Variants in UBASH3B observed in about 807,000 individuals in gnomAD.
UBASH3B encodes ubiquitin associated and SH3 domain containing B.
In UBASH3B, 37 loss-of-function variants were observed where a neutral mutation model predicts 83.4. That is an observed-to-expected ratio of 0.44 (90% confidence interval 0.34 to 0.58). UBASH3B has a LOEUF of 0.58. UBASH3B is among the 20% of genes least tolerant of loss of function. UBASH3B has a pLI of 0.01. For missense variants in UBASH3B, 657 were observed against 827.2 expected (o/e 0.79, Z 2.52); for synonymous variants, 304 against 318.3 (o/e 0.96, Z 0.48).
chr11:122,799,039 G>C lies in UBASH3B; in HGVS notation c.1450+5G>C, dbSNP rs1318630156. 33 of 1,613,296 alleles carry C rather than the reference G, an allele frequency of 2.0e-5. No individual in the cohort carries two copies. Among genetic ancestry groups the C allele is most frequent in the Non-Finnish European group, 2.7e-5 (32 of 1,179,516 alleles). ...CTGCACACAATATCTTGAAAGGTAA[G>C]ACTTGCAGGTTGACAAAAACAAGTA... On this transcript the variant is annotated splice_donor_5th_base_variant and intron_variant, in intron 10 of 13. Transcript: ENST00000284273.
chr11:122,747,022 G>C (rs554716710), intron 1 of UBASH3B, among the ~76,000 whole-genome samples: 8 of 152,328 alleles, frequency 5.3e-5, no homozygotes, highest in African/African-American at 1.2e-4. Flanking sequence ...GAGAACACCA[G>C]GGTGTGTTTT....
At chr11:122,664,170 G>C (rs1361812508) in intron 1 of UBASH3B, among the ~76,000 whole-genome samples, 3 of 152,164 alleles carry the variant, frequency 2.0e-5, no homozygotes, top group Non-Finnish European at 4.4e-5. Flanking sequence ...TCTCTCTCTA[G>C]AGTGCCCAGA....
intron 1 of UBASH3B, among the ~76,000 whole-genome samples, chr11:122,746,446 G>A (rs540627554): frequency 2.6e-5 from 4 of 152,276 alleles, no homozygotes; most frequent in South Asian, 2.1e-4. Context: ...TGGTGCCTCC[G>A]GGTGATTAAG....
At chr11:122,742,671 G>C (rs1346922445) in intron 1 of UBASH3B, among the ~76,000 whole-genome samples, 1 of 152,204 alleles carries the variant, frequency 6.6e-6, no homozygotes, top group Non-Finnish European at 1.5e-5. Context: ...TAGCACGAAG[G>C]GTTCCCTCTC....
chr11:122,663,038 A>G (rs1294459097), intron 1 of UBASH3B, among the ~76,000 whole-genome samples: 3 of 139,582 alleles, frequency 2.1e-5, no homozygotes, highest in Non-Finnish European at 4.5e-5. Context: ...GTGCAGTGGC[A>G]CAATCCCGGC....
At chr11:122,695,615 T>C (rs1172074104) in intron 1 of UBASH3B, among the ~76,000 whole-genome samples, 1 of 152,226 alleles carries the variant, frequency 6.6e-6, no homozygotes, top group Non-Finnish European at 1.5e-5. Flanking sequence ...TTTTTTACTT[T>C]TTCCCCGTTA....
At chr11:122,728,134 G>A (rs916212232) in intron 1 of UBASH3B, among the ~76,000 whole-genome samples, 7 of 152,136 alleles carry the variant, frequency 4.6e-5, no homozygotes, top group Non-Finnish European at 1.0e-4. Flanking sequence ...TACCACACCC[G>A]GCCTTAGCCC....
intron 1 of UBASH3B, among the ~76,000 whole-genome samples, chr11:122,750,048 A>C (rs1861176431): frequency 1.3e-5 from 2 of 152,154 alleles, no homozygotes; most frequent in South Asian, 4.1e-4. Flanking sequence ...AATCATTCTT[A>C]AACCACTTTT....
chr11:122,765,068 T>C (rs1266144324), intron 1 of UBASH3B, among the ~76,000 whole-genome samples: 1 of 151,312 alleles, frequency 6.6e-6, no homozygotes, highest in African/African-American at 2.4e-5. Context: ...GGATTTTTTG[T>C]TTTATAGTCA....
At chr11:122,729,916 C>G (rs1860811142) in intron 1 of UBASH3B, among the ~76,000 whole-genome samples, 1 of 127,578 alleles carries the variant, frequency 7.8e-6, no homozygotes, top group Non-Finnish European at 1.6e-5. Flanking sequence ...GAGTTCGAGG[C>G]TGCAGTGAGC....
Position 122,796,292 on chromosome 11 carries a change from G to A in UBASH3B, c.1234+16G>A. The A allele has an allele frequency of 6.2e-7, 1 of 1,613,310 alleles. No individual in the cohort carries two copies. Among genetic ancestry groups the A allele is most frequent in the East Asian group, 2.2e-5 (1 of 44,882 alleles). Reference sequence around the variant, plus strand: ...GATGCCAAAGGTGAGTTGGTGGTGGGCCTGCTCAGCACTGCCATACCCATA... The same window carrying A: ...GATGCCAAAGGTGAGTTGGTGGTGGACCTGCTCAGCACTGCCATACCCATA... On this transcript the variant is annotated intron_variant, in intron 8 of 13. Coordinates refer to ENST00000284273, the MANE Select transcript of UBASH3B (RefSeq NM_032873.5).
intron 1 of UBASH3B, among the ~76,000 whole-genome samples, chr11:122,666,855 A>C (rs1863526660): frequency 6.7e-6 from 1 of 149,936 alleles, no homozygotes. Context: ...CCTTCTTTTC[A>C]CTTTCTCTTC....
intron 1 of UBASH3B, among the ~76,000 whole-genome samples, chr11:122,657,320 G>A (rs1001223185): frequency 7.9e-5 from 12 of 151,756 alleles, no homozygotes; most frequent in African/African-American, 2.2e-4. Context: ...TTTCTGAGAC[G>A]GAGTCTCGCT....
At position 122,728,052 on chromosome 11, in the gene UBASH3B, G is replaced by C. The variant is rs370862357; in HGVS notation, c.162-48167G>C. On this transcript the variant is annotated intron_variant, in intron 1 of 13. Coordinates refer to ENST00000284273, the MANE Select transcript of UBASH3B (RefSeq NM_032873.5). ...TGAGGTCTCCTGTGTTGCCCAGGCT[G>C]GTCTCAAACTACGGGGCTCAAGCAG... Among the ~76,000 whole-genome samples the C allele has an allele frequency of 3.9e-5, 6 of 152,132 alleles. No homozygotes were observed. In the East Asian group the frequency reaches 7.7e-4, roughly 20 times the overall value.
At chr11:122,699,097 G>C (rs1001318468) in intron 1 of UBASH3B, among the ~76,000 whole-genome samples, 1 of 152,206 alleles carries the variant, frequency 6.6e-6, no homozygotes, top group African/African-American at 2.4e-5. Flanking sequence ...TGATCCACCT[G>C]CCTTGGCCTC....
At chr11:122,710,056 T>G (rs1864171467) in intron 1 of UBASH3B, among the ~76,000 whole-genome samples, 1 of 148,336 alleles carries the variant, frequency 6.7e-6, no homozygotes, top group Non-Finnish European at 1.5e-5. Flanking sequence ...CTTGGGAGGC[T>G]GAGGCAGGAG....
At chr11:122,766,185 G>C (rs1860532122) in intron 1 of UBASH3B, among the ~76,000 whole-genome samples, 1 of 152,212 alleles carries the variant, frequency 6.6e-6, no homozygotes, top group South Asian at 2.1e-4. Flanking sequence ...ATCATGAACT[G>C]CCTATCTTAT....
chr11:122,720,044 CT>C (rs1860595455), intron 1 of UBASH3B, among the ~76,000 whole-genome samples: 1 of 152,120 alleles, frequency 6.6e-6, no homozygotes, highest in Admixed American at 6.6e-5. Context: ...CCCTTCTCTC[CT>C]TTGTCTAAAC....
chr11:122,779,307 A>C (rs1860805146), intron 3 of UBASH3B, 190 bp from the exon 4 acceptor site: 1 of 645,590 alleles, frequency 1.5e-6, no homozygotes, highest in African/African-American at 1.8e-5. Flanking sequence ...ACATTAATCC[A>C]CCAGTTGGGT....
Sources: allele counts gnomAD v4.1 joint callset (sites outside exome capture counted in the v4.1 genomes callset), GRCh38; gene constraint gnomAD v4.1.1; transcripts MANE v1.5; gene names NCBI Gene and HGNC (gene_info 2026-07-23, HGNC 2026-07-21).